Variants in TRPM2 observed in about 807,000 individuals in gnomAD.
TRPM2 encodes transient receptor potential cation channel subfamily M member 2.
In TRPM2, 161 loss-of-function variants were observed where a neutral mutation model predicts 174.0. That is an observed-to-expected ratio of 0.93 (90% confidence interval 0.81 to 1.05). The LOEUF (loss-of-function observed/expected upper bound fraction) is 1.05, where lower values mean the gene tolerates loss of function less well. TRPM2 is among the 50% of genes least tolerant of loss of function. The pLI, the probability that TRPM2 is intolerant of heterozygous loss-of-function variation, is 0.00. For missense variants in TRPM2, 2,057 were observed against 2,038.0 expected, an observed-to-expected ratio of 1.01 and a Z score of -0.18; for synonymous variants, 954 against 861.3, an observed-to-expected ratio of 1.11 and a Z score of -1.88.
At chr21:44,412,667 C>A (rs1443759761) in intron 19 of TRPM2, among the ~76,000 whole-genome samples, 1 of 151,812 alleles carries the variant, frequency 6.6e-6, no homozygotes, top group Non-Finnish European at 1.5e-5. Context: ...TCCAGTCTTT[C>A]CCACTGGGTA....
chr21:44,381,616 A>C (rs1355685190), intron 8 of TRPM2, among the ~76,000 whole-genome samples: 8 of 151,960 alleles, frequency 5.3e-5, no homozygotes, highest in Non-Finnish European at 8.8e-5. Flanking sequence ...ACAGGTGATA[A>C]AATGGATGGA....
Position 44,428,749 on chromosome 21 carries a change from G to A in TRPM2, c.3974+1638G>A, listed in dbSNP as rs1387800558. Among the ~76,000 whole-genome samples, 8 of 127,792 alleles carry A rather than the reference G, an allele frequency of 6.3e-5. No homozygotes were observed. The Admixed American group carries it at 6.7e-4, about 11-fold the overall frequency. The allele number at this position is 127,792 out of a possible 152,430, so 83.8% of individuals were successfully genotyped here. ...GGTGTGGCTCCTCCCCTTAGGTGTGGCTCTTCCCTGAGGTGTGGCTCCTCC... is the reference window on the plus strand; with the variant it reads ...GGTGTGGCTCCTCCCCTTAGGTGTGACTCTTCCCTGAGGTGTGGCTCCTCC... On this transcript the variant is annotated intron_variant, in intron 27 of 31. Transcript: ENST00000397928.
chr21:44,441,855 T>C lies in TRPM2; in HGVS notation c.*38T>C, dbSNP rs1225296839. 45 of 1,555,522 alleles carry C rather than the reference T, an allele frequency of 2.9e-5. No homozygotes were observed. Among genetic ancestry groups the C allele is most frequent in the Admixed American group, 3.7e-5 (2 of 54,684 alleles). On this transcript the variant is annotated 3_prime_UTR_variant, in exon 32 of 32. Transcript: ENST00000397928. ...GCTGGGCGGCTCCAGTCCATAGACGTTCCCCCCAGAAACCAGGGCTTCTCT... is the reference window on the plus strand; with the variant it reads ...GCTGGGCGGCTCCAGTCCATAGACGCTCCCCCCAGAAACCAGGGCTTCTCT...
Position 44,364,125 on chromosome 21 carries a change from G to A in TRPM2, c.266G>A (p.Cys89Tyr), listed in dbSNP as rs762734002. 14 of 1,613,840 alleles carry A rather than the reference G, an allele frequency of 8.7e-6. No individual in the cohort carries two copies. Among genetic ancestry groups the A allele is most frequent in the Non-Finnish European group, 1.1e-5 (13 of 1,179,844 alleles). The change falls in exon 3 of 32, where the codon TGT (cysteine) becomes TAT (tyrosine). Residue 89 changes from cysteine (C) to tyrosine (Y), a missense_variant. By Grantham distance (194) the Cys-to-Tyr change is radical. Transcript: ENST00000397928. Reference protein sequence around the residue: ...SKLSDAGKVVCQCGYTHEQHL... With the variant: ...SKLSDAGKVVYQCGYTHEQHL... ...CTGTGTCTTTGCAGGAAGGTGGTGT[G>A]TCAGTGTGGCTACACGCATGAGCAG...
intron 2 of TRPM2, among the ~76,000 whole-genome samples, chr21:44,360,986 A>T (rs976817967): frequency 2.6e-5 from 4 of 151,814 alleles, no homozygotes; most frequent in African/African-American, 9.7e-5. Context: ...CTTCTCCCCC[A>T]TCATCCCTGA....
In TRPM2 at chr21:44,367,737, G is replaced by A. The variant is rs891402914; in HGVS notation, c.604+803G>A. 2.6e-5 allele frequency among the ~76,000 whole-genome samples: 4 copies of A among 152,190 alleles called. No homozygotes were observed. The highest frequency in any genetic ancestry group is 6.5e-5 in the Admixed American group (1 of 15,276). On this transcript the variant is annotated intron_variant, in intron 4 of 31. Coordinates refer to ENST00000397928, the MANE Select transcript of TRPM2 (RefSeq NM_003307.4). This position sits in a 1 kb window ranked among gnomAD's most constrained non-coding sequence, Gnocchi z 4.6. Reference sequence around the variant, plus strand: ...GGGTCTGGGGTCTGGTCTTTGCCTCGCAGTGGAGTCGTAACTGAGCCTGAC... The same window carrying A: ...GGGTCTGGGGTCTGGTCTTTGCCTCACAGTGGAGTCGTAACTGAGCCTGAC...
intron 5 of TRPM2, among the ~76,000 whole-genome samples, chr21:44,372,624 C>T (rs941348847): frequency 6.6e-6 from 1 of 152,222 alleles, no homozygotes; most frequent in African/African-American, 2.4e-5. Flanking sequence ...ATATGTGCAC[C>T]TGTGAGACCA....
At chr21:44,373,123 C>G (rs1290060164) in intron 5 of TRPM2, among the ~76,000 whole-genome samples, 5 of 152,162 alleles carry the variant, frequency 3.3e-5, no homozygotes, top group African/African-American at 1.2e-4. Flanking sequence ...ATTGCAGTCT[C>G]CTTGCCTGGT....
intron 19 of TRPM2, among the ~76,000 whole-genome samples, chr21:44,411,127 C>T (rs2050096355): frequency 6.6e-6 from 1 of 152,114 alleles, no homozygotes; most frequent in Admixed American, 6.6e-5. Context: ...CTAATTTGTT[C>T]TTTTCCAGGA....
At chr21:44,429,632 G>A (rs2050957454) in intron 27 of TRPM2, among the ~76,000 whole-genome samples, 1 of 151,850 alleles carries the variant, frequency 6.6e-6, no homozygotes, top group African/African-American at 2.4e-5. Flanking sequence ...ATATATAGGG[G>A]CATTATTAAT....
Position 44,391,761 on chromosome 21 carries a change from G to A in TRPM2, c.1794+136G>A. The A allele has an allele frequency of 1.1e-6, 1 of 871,876 alleles. No homozygotes were observed. The highest frequency in any genetic ancestry group is 1.7e-6 in the Non-Finnish European group (1 of 596,492). The allele number at this position is 871,876 out of a possible 1,614,324, so 54.0% of individuals were successfully genotyped here. A position where few individuals can be genotyped will look rare whatever the true frequency, so the allele number is the denominator to read the frequency against. ...TGCTCTATCTTAGGCTGCTTGGGCT[G>A]CTGTAACAAAATTCCACAGATGGGG... is the stretch of plus-strand genomic sequence containing the variant. On this transcript the variant is annotated intron_variant, in intron 11 of 31. Coordinates refer to ENST00000397928, the MANE Select transcript of TRPM2 (RefSeq NM_003307.4). The surrounding 1 kb of genome is among the most constrained non-coding windows in gnomAD (Gnocchi z 5.0).
At chr21:44,360,599 C>A (rs2048182810) in intron 2 of TRPM2, among the ~76,000 whole-genome samples, 1 of 142,280 alleles carries the variant, frequency 7.0e-6, no homozygotes, top group African/African-American at 2.7e-5. Flanking sequence ...TGGAGTTTTG[C>A]TCTGCTGCCC....
At position 44,425,694 on chromosome 21, in the gene TRPM2, C is replaced by G. The variant is rs374074018; in HGVS notation, c.3662C>G (p.Pro1221Arg). ...TLASQKAAEE[P>R]DAEPGGRKKT... ...GCCTCCCAGAAGGCCGCGGAGGAGC[C>G]GGATGCTGAGCCGGGAGGCAGGAAG... Residue 1221 changes from proline to arginine, a missense_variant, in exon 25 of 32, where the codon CCG becomes CGG. Transcript: ENST00000397928. 7 of 1,549,756 alleles carry G rather than the reference C, an allele frequency of 4.5e-6. No homozygotes were observed. The highest frequency in any genetic ancestry group is 5.2e-6 in the Non-Finnish European group (6 of 1,144,418).
chr21:44,437,315 G>A (rs748630307), intron 29 of TRPM2, 148 bp downstream of exon 29: 9 of 657,226 alleles, frequency 1.4e-5, no homozygotes, highest in Non-Finnish European at 2.1e-5. Flanking sequence ...CGCCTGTTTT[G>A]TCTGTAGAAG....
rs1459721033 is a variant in TRPM2, at chr21:44,399,297, G to A, written c.2064G>A (p.Gly688=). 6.2e-7 allele frequency: 1 copy of A among 1,612,040 alleles called. No homozygotes were observed. The highest frequency in any genetic ancestry group is 8.5e-7 in the Non-Finnish European group (1 of 1,179,530). The part of the protein sequence containing the change: ...LAEEYEHRAI[G]VFTECYRKDE... ...CGGGGCTCTCATATCTCCGCCCAGGGGTCTTCACCGAGTGCTACCGGAAGG... is the reference window on the plus strand; with the variant it reads ...CGGGGCTCTCATATCTCCGCCCAGGAGTCTTCACCGAGTGCTACCGGAAGG... The change falls in exon 14 of 32, where the codon GGG becomes GGA. Residue 688 remains glycine, a splice_region_variant and synonymous_variant. Transcript: ENST00000397928. This position sits in a 1 kb window ranked among gnomAD's most constrained non-coding sequence, Gnocchi z 4.6.
Position 44,379,197 on chromosome 21 carries a change from G to A in TRPM2, c.1215G>A (p.Lys405=), listed in dbSNP as rs931045521. ...GCAGGATTGTCGAGTGGACCAAAAA[G>A]GTGAGGCTGACGGGCACGACGGTCA... ...TESRIVEWTK[K]IQDIVRRRQL... The change falls in exon 8 of 32, where the codon AAG becomes AAA. Residue 405 remains lysine (K), a splice_region_variant and synonymous_variant. Transcript: ENST00000397928. 18 of 1,612,260 alleles carry A rather than the reference G, an allele frequency of 1.1e-5. No individual in the cohort carries two copies. Among genetic ancestry groups the A allele is most frequent in the African/African-American group, 4.0e-5 (3 of 74,942 alleles).
Position 44,354,731 on chromosome 21 carries a change from T to C in TRPM2, c.249T>C (p.Asp83=). 6.2e-7 allele frequency: 1 copy of C among 1,614,140 alleles called. No individual in the cohort carries two copies. The highest frequency in any genetic ancestry group is 1.1e-5 in the South Asian group (1 of 91,086). The stretch of plus-strand genomic sequence containing the variant: ...TTGTGGAAAGTTCCAAACTGTCTGA[T>C]GCTGGGTAAGTGACGTGATTTGTGT... ...VYFVESSKLS[D]AGKVVCQCGY... is the part of the protein sequence containing the mutation. The change falls in exon 2 of 32, where the codon GAT becomes GAC. Residue 83 remains aspartate, a synonymous_variant. Transcript: ENST00000397928. This position sits in a 1 kb window ranked among gnomAD's most constrained non-coding sequence, Gnocchi z 4.3.
At chr21:44,377,407 C>G (rs552280707) in intron 6 of TRPM2, among the ~76,000 whole-genome samples, 1 of 152,018 alleles carries the variant, frequency 6.6e-6, no homozygotes, top group Admixed American at 6.6e-5. Flanking sequence ...AGCAAGCGAG[C>G]GGGGAAGTGT....
chr21:44,395,270 G>A, intron 11 of TRPM2, 144 bp from the exon 12 acceptor site: 1 of 1,002,446 alleles, frequency 1.0e-6, no homozygotes. Context: ...GGGTGTTGCT[G>A]AAAATGCAGG....
Sources: allele counts gnomAD v4.1 joint callset (sites outside exome capture counted in the v4.1 genomes callset), GRCh38; gene constraint gnomAD v4.1.1; non-coding constraint Gnocchi (gnomAD v3.1); transcripts MANE v1.5; gene names NCBI Gene and HGNC (gene_info 2026-07-23, HGNC 2026-07-21).